XPO7: variants seen among roughly 807,000 people sequenced by gnomAD.
The protein encoded by XPO7 is exportin 7.
Under a neutral mutation model 144.3 loss-of-function variants are expected in XPO7, and 21 were observed. That is an observed-to-expected ratio of 0.15 (90% CI 0.10 to 0.21). The LOEUF (loss-of-function observed/expected upper bound fraction) is 0.21, where lower values mean the gene tolerates loss of function less well. XPO7 is among the 10% of genes least tolerant of loss of function. The probability of loss-of-function intolerance (pLI) is 1.00; values close to 1 mark genes in which losing one functional copy is unlikely to be tolerated. For synonymous variants in XPO7, 580 were observed against 499.6 expected, an observed-to-expected ratio of 1.16 and a Z score of -2.15; for missense variants, 808 against 1,325.8, an observed-to-expected ratio of 0.61 and a Z score of 6.06.
In XPO7 at chr8:21,919,723, G is replaced by C; in HGVS notation, c.-48G>C. On this transcript the variant is annotated 5_prime_UTR_variant, in exon 1 of 28. Coordinates refer to ENST00000252512, the MANE Select transcript of XPO7 (RefSeq NM_015024.5). ...CGGCGGCAGCGGCTCCGGCCGAGGT[G>C]CGCGCTGGGGGGGAGGGGGGGCCGG... 1 of 316,236 alleles carries C rather than the reference G, an allele frequency of 3.2e-6. No homozygotes were observed. Among genetic ancestry groups the C allele is most frequent in the Non-Finnish European group, 5.0e-6 (1 of 198,898 alleles). The allele number at this position is 316,236 out of a possible 1,614,324, so 19.6% of individuals were successfully genotyped here.
chr8:21,987,665 C>T, intron 14 of XPO7, 119 bp from the exon 15 acceptor site: 1 of 1,113,692 alleles, frequency 9.0e-7, no homozygotes, highest in Non-Finnish European at 1.3e-6. Flanking sequence ...CAGTAAAGTC[C>T]TCTCTGGGAT....
intron 1 of XPO7, among the ~76,000 whole-genome samples, chr8:21,960,628 C>A (rs1811696081): frequency 6.6e-6 from 1 of 152,224 alleles, no homozygotes; most frequent in South Asian, 2.1e-4. Context: ...CCATCCTTAT[C>A]TCATGCACGC....
intron 25 of XPO7, 24 bp from the exon 26 acceptor site, chr8:22,003,195 T>C (rs1813213158): frequency 2.5e-6 from 4 of 1,587,428 alleles, no homozygotes; most frequent in Non-Finnish European, 3.4e-6. Context: ...GGTCACTGCC[T>C]GAAATTCTCC....
At position 21,994,437 on chromosome 8, in the gene XPO7, GCT is replaced by G; in HGVS notation, c.2226_2227del (p.Phe743Ter). ...AFNAKTSFMM[L>X]FEWIYPSYMP... is the part of the protein sequence containing the mutation. ...TCAATGCCAAGACCAGCTTCATGAT[GCT>G]CTTTGAATGGATGTATCCTAACTCA... is the stretch of plus-strand genomic sequence containing the variant. On this transcript the variant is annotated frameshift_variant, in exon 20 of 28. Transcript: ENST00000252512. LOFTEE classifies it high-confidence loss of function. 1 of 1,611,152 alleles carries G rather than the reference GCT, an allele frequency of 6.2e-7. No homozygotes were observed. The highest frequency in any genetic ancestry group is 8.5e-7 in the Non-Finnish European group (1 of 1,177,984).
chr8:21,944,167 C>A (rs1365226060), intron 1 of XPO7, among the ~76,000 whole-genome samples: 1 of 152,136 alleles, frequency 6.6e-6, no homozygotes, highest in African/African-American at 2.4e-5. Flanking sequence ...GTTTAGGGCC[C>A]AGGACTCTGA....
At chr8:21,969,839 A>C (rs922849492) in intron 3 of XPO7, 1 of 544,480 alleles carries the variant, frequency 1.8e-6, no homozygotes, top group South Asian at 2.5e-5. Flanking sequence ...CTAATAACTA[A>C]GAAAAACATT....
At chr8:21,950,045 G>A (rs1400244960) in intron 1 of XPO7, among the ~76,000 whole-genome samples, 2 of 152,190 alleles carry the variant, frequency 1.3e-5, no homozygotes, top group African/African-American at 2.4e-5. Context: ...TTTTTAAAAA[G>A]CACTTGGCCT....
intron 13 of XPO7, among the ~76,000 whole-genome samples, chr8:21,986,179 C>T (rs892280433): frequency 6.7e-6 from 1 of 150,336 alleles, no homozygotes. Context: ...GCTCTGTCAC[C>T]CAGGCCAGAG....
chr8:21,999,069 C>T, intron 22 of XPO7, 22 bp from the exon 23 acceptor site: 3 of 1,613,348 alleles, frequency 1.9e-6, no homozygotes, highest in South Asian at 2.2e-5. Flanking sequence ...GTTGAATAAA[C>T]ATATATGACA....
At chr8:21,966,261 T>C in intron 1 of XPO7, 2 of 779,630 alleles carry the variant, frequency 2.6e-6, no homozygotes, top group Admixed American at 3.4e-5. Flanking sequence ...GAGTTTAAAG[T>C]GCAACAGAAG....
At chr8:21,933,163 C>T (rs1045350402) in intron 1 of XPO7, among the ~76,000 whole-genome samples, 5 of 141,004 alleles carry the variant, frequency 3.5e-5, no homozygotes, top group South Asian at 2.2e-4. Context: ...TACAGTGGCG[C>T]GATCTTGGCT....
At chr8:21,923,319 A>G (rs1810352425) in intron 1 of XPO7, among the ~76,000 whole-genome samples, 1 of 152,186 alleles carries the variant, frequency 6.6e-6, no homozygotes. Context: ...CGTAGATACA[A>G]GAAAGAATAC....
In XPO7 at chr8:22,005,242, A is replaced by AT. The variant is rs1201986560; in HGVS notation, c.*155dup. On this transcript the variant is annotated 3_prime_UTR_variant, in exon 28 of 28. Transcript: ENST00000252512. ...GGTCAACTAGCTGCTTCCCCAGGGA[A>AT]TAGGGGTGTGAGTACACTCACTAGG... The AT allele has an allele frequency of 1.9e-6, 1 of 528,598 alleles. No homozygotes were observed. The highest frequency in any genetic ancestry group is 3.3e-5 in the East Asian group (1 of 30,574). The allele number at this position is 528,598 out of a possible 1,614,324, so 32.7% of individuals were successfully genotyped here.
chr8:21,986,285 C>G (rs1408669615), intron 13 of XPO7, among the ~76,000 whole-genome samples: 1 of 152,070 alleles, frequency 6.6e-6, no homozygotes, highest in African/African-American at 2.4e-5. Context: ...TCCCAAGTAG[C>G]TATGATTACA....
intron 1 of XPO7, among the ~76,000 whole-genome samples, chr8:21,957,724 T>A (rs750186951): frequency 2.6e-5 from 4 of 152,190 alleles, no homozygotes; most frequent in Non-Finnish European, 4.4e-5. Flanking sequence ...CTTATGAAGC[T>A]CCTACTGTGT....
intron 1 of XPO7, among the ~76,000 whole-genome samples, chr8:21,954,162 T>C (rs1421839056): frequency 6.6e-6 from 1 of 152,224 alleles, no homozygotes; most frequent in Non-Finnish European, 1.5e-5. Flanking sequence ...AACATAATGA[T>C]GGAGCTTAGT....
intron 1 of XPO7, among the ~76,000 whole-genome samples, chr8:21,957,221 A>T (rs188698468): frequency 6.6e-6 from 1 of 151,998 alleles, no homozygotes; most frequent in Non-Finnish European, 1.5e-5. Flanking sequence ...TATTTGTTAC[A>T]GGGTGCCCAT....
chr8:21,974,868 C>T (rs983870639), intron 6 of XPO7, 94 bp downstream of exon 6: 64 of 1,028,266 alleles, frequency 6.2e-5, no homozygotes, highest in Admixed American at 1.6e-4. Context: ...ACTGATCCCA[C>T]GAGAGTTTAT....
intron 16 of XPO7, among the ~76,000 whole-genome samples, chr8:21,990,045 T>G (rs891091047): frequency 2.0e-5 from 3 of 151,708 alleles, no homozygotes; most frequent in Non-Finnish European, 4.4e-5. Flanking sequence ...GAGGTAGGGT[T>G]TCACCGTGTT....
Sources: allele counts gnomAD v4.1 joint callset (sites outside exome capture counted in the v4.1 genomes callset), GRCh38; gene constraint gnomAD v4.1.1; transcripts MANE v1.5; gene names NCBI Gene and HGNC (gene_info 2026-07-23, HGNC 2026-07-21).